The following JAKMIP1 variants were observed in gnomAD, a reference collection of about 807,000 sequenced individuals.
The protein encoded by JAKMIP1 is janus kinase and microtubule-interacting protein 1.
In JAKMIP1, 33 loss-of-function variants were observed where a neutral mutation model predicts 113.0. That is an observed-to-expected ratio of 0.29 (90% CI 0.22 to 0.39). The LOEUF (loss-of-function observed/expected upper bound fraction) is 0.39. JAKMIP1 is among the 10% of genes least tolerant of loss of function. The pLI is 1.00. For synonymous variants in JAKMIP1, 480 were observed against 459.9 expected (o/e 1.04, Z -0.56); for missense variants, 813 against 1,080.5 (o/e 0.75, Z 3.47).
At position 6,155,313 on chromosome 4, in the gene JAKMIP1, C is replaced by A. The variant is rs1456789344; in HGVS notation, c.-147-42316G>T. Among the ~76,000 whole-genome samples the A allele has an allele frequency of 6.6e-6, 1 of 152,192 alleles. No individual in the cohort carries two copies. The highest frequency in any genetic ancestry group is 1.5e-5 in the Non-Finnish European group (1 of 68,036). ...AGCAACCACCACTCAACCACCACCA[C>A]CGCGAATGTTTACCCAGCCCTTATC... On this transcript the variant is annotated intron_variant, in intron 1 of 20. Coordinates refer to ENST00000409021, the MANE Select transcript of JAKMIP1 (RefSeq NM_001099433.2). The surrounding 1 kb of genome is among the most constrained non-coding windows in gnomAD (Gnocchi z 6.1).
chr4:6,151,529 A>C (rs150494870), intron 1 of JAKMIP1, among the ~76,000 whole-genome samples: 7 of 151,702 alleles, frequency 4.6e-5, no homozygotes, highest in Middle Eastern at 3.4e-3. Flanking sequence ...GACCTGGCCA[A>C]CTCTAGCCTC....
In JAKMIP1 at chr4:6,062,135, C is replaced by T. The variant is rs116437798; in HGVS notation, c.1560+177G>A. ...TGTTCCAGAGCGCCTGCCATCACAC[C>T]GAGGATGCAGAGAGGGATCTAGAAT... On this transcript the variant is annotated intron_variant, in intron 10 of 20. Transcript: ENST00000409021. Among the ~76,000 whole-genome samples the T allele has an allele frequency of 5.2e-3, 793 of 152,332 alleles. 7 individuals carry two copies. Among genetic ancestry groups the T allele is most frequent in the African/African-American group, 0.018 (761 of 41,574 alleles).
In JAKMIP1 at chr4:6,095,278, AAGGG is replaced by A. The variant is rs200994670; in HGVS notation, c.625-9653_625-9650del. ...AGGGAAGGAAAGGAAGAAAGGAAGG[AAGGG>A]AGGGAGGGAGGGAGAGAGGGAAGAA... is the stretch of plus-strand genomic sequence containing the variant. On this transcript the variant is annotated intron_variant, in intron 3 of 20. Transcript: ENST00000409021. Among the ~76,000 whole-genome samples, 254 of 131,978 alleles carry A rather than the reference AAGGG, an allele frequency of 1.9e-3. 1 individual carries two copies. Among genetic ancestry groups the A allele is most frequent in the South Asian group, 0.013 (43 of 3,422 alleles). The allele number at this position is 131,978 out of a possible 152,430, so 86.6% of individuals were successfully genotyped here. A position where few individuals can be genotyped will look rare whatever the true frequency, so the allele number is the denominator to read the frequency against.
intron 8 of JAKMIP1, among the ~76,000 whole-genome samples, chr4:6,074,228 T>TTGCCCTGACTGCATCTTCTGCAAGGCTC (rs1213487727): frequency 6.6e-6 from 1 of 152,184 alleles, no homozygotes; most frequent in Non-Finnish European, 1.5e-5. Context: ...ACCCTCTGCT[T>TTGCCCTGACTGCATCTTCTGCAAGGCTC]TGCCCTGACT....
intron 5 of JAKMIP1, among the ~76,000 whole-genome samples, chr4:6,082,807 A>C (rs111739239): frequency 3.1e-4 from 47 of 152,256 alleles, no homozygotes; most frequent in African/African-American, 1.1e-3. Flanking sequence ...GAAATCCAGA[A>C]AGCGGCAACA....
At position 6,105,463 on chromosome 4, in the gene JAKMIP1, C is replaced by T. The variant is rs112014940; in HGVS notation, c.624+10G>A. Reference sequence around the variant, plus strand: ...GCGTGCCCGCGGGCGGGGGAGGGGGCGGCACGTACCAGCCTGCGGATGTCG... The same window carrying T: ...GCGTGCCCGCGGGCGGGGGAGGGGGTGGCACGTACCAGCCTGCGGATGTCG... On this transcript the variant is annotated intron_variant, in intron 3 of 20. Transcript: ENST00000409021. 1.3e-6 allele frequency: 2 copies of T among 1,580,034 alleles called. No homozygotes were observed. Among genetic ancestry groups the T allele is most frequent in the Non-Finnish European group, 1.7e-6 (2 of 1,164,940 alleles).
chr4:6,039,564 C>T (rs759486775), intron 18 of JAKMIP1, among the ~76,000 whole-genome samples: 8 of 152,158 alleles, frequency 5.3e-5, no homozygotes, highest in African/African-American at 1.4e-4. Context: ...GACCAAAACA[C>T]GAATGGAGAA....
In JAKMIP1 at chr4:6,050,445, A is replaced by C; in HGVS notation, c.1908+133T>G. The C allele has an allele frequency of 1.5e-6, 1 of 658,504 alleles. No homozygotes were observed. The highest frequency in any genetic ancestry group is 2.8e-5 in the Admixed American group (1 of 35,190). 40.8% of individuals were successfully genotyped at this position (658,504 alleles called of 1,614,324 possible). A position where few individuals can be genotyped will look rare whatever the true frequency, so the allele number is the denominator to read the frequency against. ...TTTGGTGACCCTTTAATAAATGGAC[A>C]AACTGTGACTTTCAACACAAGGGGT... On this transcript the variant is annotated intron_variant, in intron 14 of 20. Coordinates refer to ENST00000409021, the MANE Select transcript of JAKMIP1 (RefSeq NM_001099433.2). The surrounding 1 kb of genome is among the most constrained non-coding windows in gnomAD (Gnocchi z 7.4).
chr4:6,199,494 C>G lies in JAKMIP1; in HGVS notation c.-148+759G>C, dbSNP rs1049608740. 2.0e-5 allele frequency among the ~76,000 whole-genome samples: 3 copies of G among 152,116 alleles called. No individual in the cohort carries two copies. Among genetic ancestry groups the G allele is most frequent in the South Asian group, 2.1e-4 (1 of 4,830 alleles). On this transcript the variant is annotated intron_variant, in intron 1 of 20. Transcript: ENST00000409021. This position sits in a 1 kb window ranked among gnomAD's most constrained non-coding sequence, Gnocchi z 5.6. ...GCCGCTGGCCCCGACGCAGGGCGCC[C>G]GGCAAGGTGTCTGGCACCACGAGAG...
rs1181667875 is a variant in JAKMIP1 at position 6,064,679 on chromosome 4, C to T, written c.1431+201G>A. 6.6e-6 allele frequency among the ~76,000 whole-genome samples: 1 copy of T among 152,126 alleles called. No individual in the cohort carries two copies. The highest frequency in any genetic ancestry group is 2.4e-5 in the African/African-American group (1 of 41,426). On this transcript the variant is annotated intron_variant, in intron 9 of 20. Transcript: ENST00000409021. This position sits in a 1 kb window ranked among gnomAD's most constrained non-coding sequence, Gnocchi z 4.3. ...AGAAAGGGTCCCCACGTGCTGCCCT[C>T]CCATCGCCATTCATGGAGCCCACAG...
At position 6,067,854 on chromosome 4, in the gene JAKMIP1, C is replaced by T. The variant is rs1718394694; in HGVS notation, c.1303-2846G>A. ...CAAGCTCTTCTGCACACGCAGGTCA[C>T]CCCCCTGAGCTCCACGTTCCACATT... On this transcript the variant is annotated intron_variant, in intron 8 of 20. Coordinates refer to ENST00000409021, the MANE Select transcript of JAKMIP1 (RefSeq NM_001099433.2). The surrounding 1 kb of genome is among the most constrained non-coding windows in gnomAD (Gnocchi z 4.6). 6.6e-6 allele frequency among the ~76,000 whole-genome samples: 1 copy of T among 151,246 alleles called. No individual in the cohort carries two copies. The highest frequency in any genetic ancestry group is 6.6e-5 in the Admixed American group (1 of 15,198).
chr4:6,161,934 G>A (rs1294283356), intron 1 of JAKMIP1, among the ~76,000 whole-genome samples: 4 of 152,224 alleles, frequency 2.6e-5, no homozygotes, highest in Non-Finnish European at 4.4e-5. Context: ...CTGGGAGGAC[G>A]TGGTGATGTA....
rs376809931 is a variant in JAKMIP1, at chr4:6,044,692, AAC to A, written c.2029-2467_2029-2466del. ...GCTGCTCTCAGAACGGTTTCTGCAG[AAC>A]ACAGTGTTGAGATTTGTTGCTGCTG... On this transcript the variant is annotated intron_variant, in intron 16 of 20. Coordinates refer to ENST00000409021, the MANE Select transcript of JAKMIP1 (RefSeq NM_001099433.2). The surrounding 1 kb of genome is among the most constrained non-coding windows in gnomAD (Gnocchi z 4.4). Among the ~76,000 whole-genome samples the A allele has an allele frequency of 3.2e-3, 491 of 152,362 alleles. 5 individuals are homozygous for A. Among genetic ancestry groups the A allele is most frequent in the African/African-American group, 0.011 (477 of 41,586 alleles).
intron 1 of JAKMIP1, among the ~76,000 whole-genome samples, chr4:6,182,075 G>A (rs1288668105): frequency 6.6e-6 from 1 of 152,084 alleles, no homozygotes; most frequent in African/African-American, 2.4e-5. Context: ...GGGTAATTAG[G>A]TCATCAGGGT....
rs1714300298 is a variant in JAKMIP1, at chr4:6,108,273, A to G, written c.130-2306T>C. On this transcript the variant is annotated intron_variant, in intron 2 of 20. Coordinates refer to ENST00000409021, the MANE Select transcript of JAKMIP1 (RefSeq NM_001099433.2). The surrounding 1 kb of genome is among the most constrained non-coding windows in gnomAD (Gnocchi z 5.6). ...GGGTGACCTCTGATGGGCACAGAGC[A>G]CTCCCTCCCACCACCACTCCATCCA... Among the ~76,000 whole-genome samples the G allele has an allele frequency of 6.6e-6, 1 of 151,594 alleles. No homozygotes were observed. Among genetic ancestry groups the G allele is most frequent in the African/African-American group, 2.4e-5 (1 of 41,226 alleles).
In JAKMIP1 at chr4:6,106,980, G is replaced by T. The variant is rs1056746417; in HGVS notation, c.130-1013C>A. 1.3e-5 allele frequency among the ~76,000 whole-genome samples: 2 copies of T among 152,104 alleles called. No individual in the cohort carries two copies. The highest frequency in any genetic ancestry group is 4.8e-5 in the African/African-American group (2 of 41,404). On this transcript the variant is annotated intron_variant, in intron 2 of 20. Coordinates refer to ENST00000409021, the MANE Select transcript of JAKMIP1 (RefSeq NM_001099433.2). This position sits in a 1 kb window ranked among gnomAD's most constrained non-coding sequence, Gnocchi z 5.9. ...AATTTTAGGTGAGAAGTTTTACAAT[G>T]GCACCTGAGTATTGATAAATCCTTA...
At chr4:6,169,239 T>C (rs559929151) in intron 1 of JAKMIP1, among the ~76,000 whole-genome samples, 24 of 152,170 alleles carry the variant, frequency 1.6e-4, no homozygotes, top group Non-Finnish European at 3.2e-4. Flanking sequence ...CTTGTGGCCA[T>C]ATTTGTAAGT....
intron 11 of JAKMIP1, 30 bp downstream of exon 11, chr4:6,060,394 A>T (rs1717095796): frequency 6.5e-7 from 1 of 1,548,666 alleles, no homozygotes; most frequent in Admixed American, 1.7e-5. Flanking sequence ...AAAGGCTAAG[A>T]TTCACAGAGC....
At chr4:6,052,702 G>A (rs1715817903) in intron 13 of JAKMIP1, among the ~76,000 whole-genome samples, 1 of 149,758 alleles carries the variant, frequency 6.7e-6, no homozygotes, top group Admixed American at 6.6e-5. Context: ...GGTTCTGAAG[G>A]ATGGTGGAGA....
Sources: allele counts gnomAD v4.1 joint callset (sites outside exome capture counted in the v4.1 genomes callset), GRCh38; gene constraint gnomAD v4.1.1; non-coding constraint Gnocchi (gnomAD v3.1); transcripts MANE v1.5; gene names NCBI Gene and HGNC (gene_info 2026-07-23, HGNC 2026-07-21).